The following DRG1 variants were observed in gnomAD, a reference collection of about 807,000 sequenced individuals.
DRG1 encodes the protein developmentally regulated GTP binding protein 1.
DRG1 carries 19 observed loss-of-function variants against 38.8 expected under a neutral mutation model. The ratio of observed to expected loss-of-function variants is 0.49; its 90% confidence interval spans 0.34 to 0.72. The LOEUF is 0.72. DRG1 is among the 30% of genes least tolerant of loss of function. The pLI is 0.01. For synonymous variants in DRG1, 167 were observed against 157.5 expected, an observed-to-expected ratio of 1.06 and a Z score of -0.45; for missense variants, 299 against 444.8, an observed-to-expected ratio of 0.67 and a Z score of 2.95.
In DRG1 at chr22:31,406,562, C is replaced by T. The variant is rs185345333; in HGVS notation, c.342+3358C>T. ...ATTAGCCAGGCATCTTTAATACCAGCTCCTAGGGAGGTTGAGGCAGGAGAA... is the reference window on the plus strand; with the variant it reads ...ATTAGCCAGGCATCTTTAATACCAGTTCCTAGGGAGGTTGAGGCAGGAGAA... On this transcript the variant is annotated intron_variant, in intron 3 of 8. Transcript: ENST00000331457. 5.3e-3 allele frequency among the ~76,000 whole-genome samples: 808 copies of T among 151,934 alleles called. 1 individual carries two copies. The highest frequency in any genetic ancestry group is 0.017 in the Middle Eastern group (5 of 294).
chr22:31,424,800 G>GC (rs35314205), intron 6 of DRG1, among the ~76,000 whole-genome samples: 160 of 15,294 alleles, frequency 0.01, 6 homozygotes, highest in Admixed American at 0.073. Context: ...CCCGGCACCC[G>GC]CCCCCCCCCC....
At position 31,434,134 on chromosome 22, in the gene DRG1, A is replaced by G; in HGVS notation, c.*163A>G. On this transcript the variant is annotated 3_prime_UTR_variant, in exon 9 of 9. Transcript: ENST00000331457. ...ACTTCATTTGTCTTACCTTGGTGTC[A>G]CCTTGTATGTCGAACTGCATAAAAG... The G allele has an allele frequency of 1.7e-6, 1 of 602,882 alleles. No homozygotes were observed. The highest frequency in any genetic ancestry group is 3.0e-6 in the Non-Finnish European group (1 of 336,838). The allele number at this position is 602,882 out of a possible 1,614,324, so 37.3% of individuals were successfully genotyped here. A position where few individuals can be genotyped will look rare whatever the true frequency, so the allele number is the denominator to read the frequency against.
At position 31,426,676 on chromosome 22, in the gene DRG1, G is replaced by T; in HGVS notation, c.775G>T (p.Asp259Tyr). Residue 259 changes from aspartate (D) to tyrosine (Y), a missense_variant, in exon 7 of 9, where the codon GAT becomes TAT. Asp to Tyr is a radical substitution (Grantham distance 160, BLOSUM62 -3). Transcript: ENST00000331457. ...TGACCAAATCTCCATTGAGGAATTG[G>T]ATATCATCTATAAGGTGCCTCACTG... ...KIDQISIEELDIIYKVPHCVP... is the reference protein window; with the variant it reads ...KIDQISIEELYIIYKVPHCVP... The T allele has an allele frequency of 6.2e-7, 1 of 1,613,974 alleles. No individual in the cohort carries two copies. The highest frequency in any genetic ancestry group is 1.3e-5 in the African/African-American group (1 of 75,004).
At chr22:31,411,110 G>A in intron 4 of DRG1, 29 bp downstream of exon 4, 1 of 1,610,192 alleles carries the variant, frequency 6.2e-7, no homozygotes, top group Non-Finnish European at 8.5e-7. Context: ...ACCATCCTGG[G>A]ATATCATTCC....
At chr22:31,408,773 A>G (rs2050003257) in intron 3 of DRG1, among the ~76,000 whole-genome samples, 1 of 150,452 alleles carries the variant, frequency 6.6e-6, no homozygotes, top group African/African-American at 2.4e-5. Context: ...AAAAAAAAAA[A>G]AAGATATTTT....
chr22:31,403,432 C>T (rs2049973350), intron 3 of DRG1, among the ~76,000 whole-genome samples: 1 of 151,978 alleles, frequency 6.6e-6, no homozygotes, highest in African/African-American at 2.4e-5. Flanking sequence ...CTTTGGGAAG[C>T]CAAGGCGGGC....
chr22:31,423,173 T>C lies in DRG1; in HGVS notation c.583-107T>C, dbSNP rs562998057. 101 of 1,371,680 alleles carry C rather than the reference T, an allele frequency of 7.4e-5. No individual in the cohort carries two copies. In the African/African-American group the frequency reaches 1.3e-3, roughly 17 times the overall value. The allele number at this position is 1,371,680 out of a possible 1,614,324, so 85.0% of individuals were successfully genotyped here. ...CACTCATCCCGGATGTATTTAGTAA[T>C]GAGTTTGCATCTTAGCTAGAATTTT... On this transcript the variant is annotated intron_variant, in intron 5 of 8. Coordinates refer to ENST00000331457, the MANE Select transcript of DRG1 (RefSeq NM_004147.4).
chr22:31,407,315 T>C (rs2049994219), intron 3 of DRG1, among the ~76,000 whole-genome samples: 1 of 152,106 alleles, frequency 6.6e-6, no homozygotes, highest in Non-Finnish European at 1.5e-5. Context: ...GTGGGTCTTG[T>C]CTGTAACAGT....
chr22:31,428,007 C>T (rs1054517290), intron 8 of DRG1, among the ~76,000 whole-genome samples: 1 of 152,094 alleles, frequency 6.6e-6, no homozygotes, highest in African/African-American at 2.4e-5. Flanking sequence ...GCATGAGCCA[C>T]CGTGCCTGGC....
chr22:31,407,114 A>G (rs1206368063), intron 3 of DRG1, among the ~76,000 whole-genome samples: 1 of 152,152 alleles, frequency 6.6e-6, no homozygotes, highest in Non-Finnish European at 1.5e-5. Context: ...GCCTCCTACC[A>G]TGGGATTCAT....
rs71202078 is a variant in DRG1, at chr22:31,424,811, C to CCGCT, written c.713+1401_713+1402insCGCT. Among the ~76,000 whole-genome samples the CCGCT allele has an allele frequency of 9.8e-4, 36 of 36,656 alleles. 2 individuals are homozygous for CCGCT. The highest frequency in any genetic ancestry group is 1.3e-3 in the Non-Finnish European group (29 of 23,006). 24.0% of individuals were successfully genotyped at this position (36,656 alleles called of 152,430 possible). ...TGTGCCCGGCACCCGCCCCCCCCCC[C>CCGCT]TTTTTTTTTTTTTTGGAGTCTTGCT... On this transcript the variant is annotated intron_variant, in intron 6 of 8. Transcript: ENST00000331457.
intron 4 of DRG1, among the ~76,000 whole-genome samples, chr22:31,412,219 G>A (rs1339151565): frequency 4.6e-5 from 7 of 151,384 alleles, no homozygotes; most frequent in Admixed American, 1.3e-4. Context: ...GCGTGAACCC[G>A]GGAGGTGGAG....
At chr22:31,429,133 AT>A (rs146861519) in intron 8 of DRG1, among the ~76,000 whole-genome samples, 6,341 of 152,080 alleles carry the variant, frequency 0.042, 120 homozygotes, top group Non-Finnish European at 0.051. Flanking sequence ...TGTTTGTGAC[AT>A]TTATGGCTAT....
At chr22:31,429,744 T>C (rs2050129550) in intron 8 of DRG1, among the ~76,000 whole-genome samples, 1 of 151,288 alleles carries the variant, frequency 6.6e-6, no homozygotes, top group African/African-American at 2.4e-5. Context: ...TCTCATGGGC[T>C]CAAGCCTCAG....
At chr22:31,420,493 T>C (rs879810421) in intron 5 of DRG1, 68 bp downstream of exon 5, 9 of 1,585,530 alleles carry the variant, frequency 5.7e-6, no homozygotes, top group Non-Finnish European at 7.7e-6. Flanking sequence ...TTGGGGTGCA[T>C]GGACCCTGAC....
chr22:31,423,860 TTTC>T (rs1249961708), intron 6 of DRG1, among the ~76,000 whole-genome samples: 1 of 88,714 alleles, frequency 1.1e-5, no homozygotes, highest in African/African-American at 4.0e-5. Context: ...TGGGCTTTGG[TTTC>T]TTTTTTTTTT....
chr22:31,403,729 G>A (rs1043231948), intron 3 of DRG1, among the ~76,000 whole-genome samples: 1 of 151,980 alleles, frequency 6.6e-6, no homozygotes, highest in Non-Finnish European at 1.5e-5. Context: ...TGATCCGCCC[G>A]CGTTGGCCTC....
At chr22:31,420,219 T>G (rs756502164) in intron 4 of DRG1, 37 bp from the exon 5 acceptor site, 1 of 1,601,620 alleles carries the variant, frequency 6.2e-7, no homozygotes, top group Non-Finnish European at 8.5e-7. Flanking sequence ...AAGGCTTTAT[T>G]GAACTTTCTT....
At chr22:31,399,850 GGCCCGTGTTCCGACT>G in intron 1 of DRG1, 125 bp downstream of exon 1, 1 of 1,440,214 alleles carries the variant, frequency 6.9e-7, no homozygotes, top group Admixed American at 1.8e-5. Context: ...CTCTCAGCGA[GGCCCGTGTTCCGACT>G]GCCCTCTGCC....
Sources: gnomAD v4.1 joint callset for allele counts (sites outside exome capture counted in the v4.1 genomes callset) on GRCh38, gnomAD v4.1.1 for gene constraint, MANE v1.5 for transcripts, NCBI Gene and HGNC (gene_info 2026-07-23, HGNC 2026-07-21) for gene names.